Variants in GRK7 observed in about 807,000 individuals in gnomAD.
The protein encoded by GRK7 is rhodopsin kinase GRK7.
GRK7 carries 24 observed loss-of-function variants against 34.1 expected under a neutral mutation model. That is an observed-to-expected ratio of 0.70 (90% CI 0.51 to 0.99). The LOEUF is 0.99. GRK7 is among the 50% of genes least tolerant of loss of function. The pLI is 0.00. For missense variants in GRK7, 644 were observed against 707.3 expected (o/e 0.91, Z 1.02); for synonymous variants, 256 against 279.4 (o/e 0.92, Z 0.84).
chr3:141,783,444 C>T (rs546668995), intron 4 of GRK7, among the ~76,000 whole-genome samples: 39 of 152,226 alleles, frequency 2.6e-4, no homozygotes, highest in Non-Finnish European at 4.4e-4. Flanking sequence ...GGATGAAGAA[C>T]AGCTGGATAT....
At chr3:141,792,627 C>T (rs562694055) in intron 4 of GRK7, among the ~76,000 whole-genome samples, 29 of 152,154 alleles carry the variant, frequency 1.9e-4, no homozygotes, top group Admixed American at 3.3e-4. Context: ...ATTGGGCTCC[C>T]TGGAAACAGA....
At position 141,767,094 on chromosome 3, in the gene GRK7, AT is replaced by A. The variant is rs111236319; in HGVS notation, c.-215+1359del. Among the ~76,000 whole-genome samples, 467 of 152,330 alleles carry A rather than the reference AT, an allele frequency of 3.1e-3. 6 individuals carry two copies. The highest frequency in any genetic ancestry group is 0.011 in the African/African-American group (454 of 41,570). ...GCCAGATTATAGCCTAAGATTCAAT[AT>A]TTATGGACTTAATTTATTATAGAAA... On this transcript the variant is annotated intron_variant, in intron 1 of 5. Transcript: ENST00000682958.
the GRK7 span, among the ~76,000 whole-genome samples, chr3:141,751,099 T>C: frequency 6.6e-6 from 1 of 152,166 alleles, no homozygotes; most frequent in Admixed American, 6.5e-5. Context: ...GCTCAAAAAC[T>C]CTTTAAACTA....
chr3:141,794,838 T>A (rs1023613282), intron 4 of GRK7, among the ~76,000 whole-genome samples: 1 of 151,988 alleles, frequency 6.6e-6, no homozygotes, highest in Non-Finnish European at 1.5e-5. Context: ...AGATGGGGTG[T>A]CAAGAATGAT....
At chr3:141,766,848 T>A (rs2084583796) in intron 1 of GRK7, among the ~76,000 whole-genome samples, 1 of 152,268 alleles carries the variant, frequency 6.6e-6, no homozygotes, top group South Asian at 2.1e-4. Flanking sequence ...AAAATCTTAT[T>A]GTGTGAACAC....
intron 4 of GRK7, among the ~76,000 whole-genome samples, chr3:141,793,387 G>A (rs59954106): frequency 0.052 from 7,969 of 152,288 alleles, 712 homozygotes; most frequent in African/African-American, 0.18. Flanking sequence ...GCTCGCATCT[G>A]CTGCAGAATG....
At chr3:141,796,708 T>C (rs16851809) in intron 4 of GRK7, among the ~76,000 whole-genome samples, 6,931 of 152,282 alleles carry the variant, frequency 0.046, 540 homozygotes, top group African/African-American at 0.16. Flanking sequence ...GTGGAAAGTA[T>C]GCCTCAGCCT....
intron 4 of GRK7, among the ~76,000 whole-genome samples, chr3:141,793,818 C>T (rs1443688846): frequency 6.6e-6 from 1 of 152,166 alleles, no homozygotes; most frequent in Non-Finnish European, 1.5e-5. Flanking sequence ...AAATATAGGG[C>T]CTCTTCTTCA....
Position 141,817,031 on chromosome 3 carries a change from G to T in GRK7, c.1643G>T (p.Gly548Val). The change falls in exon 6 of 6, where the codon GGC becomes GTC. Residue 548 changes from glycine (G) to valine (V), a missense_variant. Coordinates refer to ENST00000682958, the MANE Select transcript of GRK7 (RefSeq NM_139209.3). The stretch of plus-strand genomic sequence containing the variant: ...GAGGAGGGTAATTCATCCAAGTCTG[G>T]CGTGTGTTTGTTATTGTAAATTGCT... Reference protein sequence around the residue: ...GCEEGNSSKSGVCLLL With the variant: ...GCEEGNSSKSVVCLLL 6.2e-7 allele frequency: 1 copy of T among 1,603,054 alleles called. No homozygotes were observed. Among genetic ancestry groups the T allele is most frequent in the Non-Finnish European group, 8.5e-7 (1 of 1,176,778 alleles).
intron 4 of GRK7, among the ~76,000 whole-genome samples, chr3:141,793,396 T>G (rs1290481200): frequency 6.6e-6 from 1 of 152,186 alleles, no homozygotes; most frequent in Non-Finnish European, 1.5e-5. Flanking sequence ...TGCTGCAGAA[T>G]GGATTGCTGG....
At chr3:141,786,643 T>C (rs1400892222) in intron 4 of GRK7, among the ~76,000 whole-genome samples, 1 of 152,054 alleles carries the variant, frequency 6.6e-6, no homozygotes, top group Non-Finnish European at 1.5e-5. Context: ...CTGGGCATGA[T>C]GGCACGTGCC....
intron 1 of GRK7, among the ~76,000 whole-genome samples, chr3:141,768,655 A>G (rs982944806): frequency 6.6e-6 from 1 of 151,764 alleles, no homozygotes; most frequent in Admixed American, 6.6e-5. Context: ...CCAGCTCCCC[A>G]TCATATGTCT....
intron 4 of GRK7, among the ~76,000 whole-genome samples, chr3:141,785,039 C>T (rs76397462): frequency 8.5e-5 from 13 of 152,324 alleles, no homozygotes; most frequent in East Asian, 1.9e-4. Context: ...CCTCAACCTT[C>T]CTTTCCTTAT....
intron 4 of GRK7, among the ~76,000 whole-genome samples, chr3:141,801,310 C>CAAAAAA (rs55657739): frequency 1.1e-3 from 78 of 69,942 alleles, no homozygotes; most frequent in Middle Eastern, 0.011. Flanking sequence ...GACTCCGTCT[C>CAAAAAA]AAAAAAAAAA....
chr3:141,810,772 G>C lies in GRK7; in HGVS notation c.1325+2853G>C, dbSNP rs187023750. On this transcript the variant is annotated intron_variant, in intron 5 of 5. Transcript: ENST00000682958. ...ACTTCACACACGGTTCTGTTGGCCAGAACTAGTCCTTGGGTCCTGCCTACG... is the reference window on the plus strand; with the variant it reads ...ACTTCACACACGGTTCTGTTGGCCACAACTAGTCCTTGGGTCCTGCCTACG... 4.9e-4 allele frequency among the ~76,000 whole-genome samples: 75 copies of C among 152,250 alleles called. 1 individual carries two copies. Among genetic ancestry groups the C allele is most frequent in the Admixed American group, 4.3e-3 (66 of 15,290 alleles).
chr3:141,767,358 C>T (rs76168108), intron 1 of GRK7, among the ~76,000 whole-genome samples: 5,993 of 151,972 alleles, frequency 0.039, 147 homozygotes, highest in Non-Finnish European at 0.054. Context: ...TGATACCATG[C>T]AAGCCTTATA....
At position 141,816,698 on chromosome 3, in the gene GRK7, T is replaced by C; in HGVS notation, c.1326-16T>C. 6.8e-7 allele frequency: 1 copy of C among 1,480,870 alleles called. No homozygotes were observed. The highest frequency in any genetic ancestry group is 9.1e-7 in the Non-Finnish European group (1 of 1,101,560). 91.7% of individuals were successfully genotyped at this position (1,480,870 alleles called of 1,614,324 possible). A position where few individuals can be genotyped will look rare whatever the true frequency, so the allele number is the denominator to read the frequency against. ...TGTTAACTCTGTCTCAGGCTGATCA[T>C]CTCCTTTCTTCACAGAGAAAAGTCT... is the stretch of plus-strand genomic sequence containing the variant. On this transcript the variant is annotated splice_polypyrimidine_tract_variant and intron_variant, in intron 5 of 5. Transcript: ENST00000682958.
rs549882436 is a variant in GRK7, at chr3:141,819,073, A to G, written c.*2023A>G. Among the ~76,000 whole-genome samples the G allele has an allele frequency of 3.8e-3, 580 of 152,284 alleles. 7 individuals are homozygous for G. Among genetic ancestry groups the G allele is most frequent in the African/African-American group, 0.014 (564 of 41,560 alleles). On this transcript the variant is annotated 3_prime_UTR_variant, in exon 6 of 6. Coordinates refer to ENST00000682958, the MANE Select transcript of GRK7 (RefSeq NM_139209.3). ...TTTTTTTCCTGAAGTAAGAAAGTAA[A>G]TTAAAGTTTGGTTAAGTTTTGAACA...
chr3:141,817,193 C>T lies in GRK7; in HGVS notation c.*143C>T. The T allele has an allele frequency of 3.3e-6, 2 of 607,906 alleles. No homozygotes were observed. The highest frequency in any genetic ancestry group is 5.7e-6 in the Non-Finnish European group (2 of 353,150). 37.7% of individuals were successfully genotyped at this position (607,906 alleles called of 1,614,324 possible). ...AAACAATTCAAAAGACAGGCAAGCT[C>T]ACTACTAGAACACATTTTATTTTCT... On this transcript the variant is annotated 3_prime_UTR_variant, in exon 6 of 6. Coordinates refer to ENST00000682958, the MANE Select transcript of GRK7 (RefSeq NM_139209.3).
Sources: gnomAD v4.1 joint callset for allele counts (sites outside exome capture counted in the v4.1 genomes callset) on GRCh38, gnomAD v4.1.1 for gene constraint, MANE v1.5 for transcripts, NCBI Gene and HGNC (gene_info 2026-07-23, HGNC 2026-07-21) for gene names.